The following ZFHX3 variants were observed in gnomAD, a reference collection of about 807,000 sequenced individuals.
ZFHX3 encodes the protein zinc finger homeobox 3.
Under a neutral mutation model 279.1 loss-of-function variants are expected in ZFHX3, and 42 were observed. That is an observed-to-expected ratio of 0.15 (90% CI 0.12 to 0.19). The LOEUF (loss-of-function observed/expected upper bound fraction) is 0.19, where lower values mean the gene tolerates loss of function less well. ZFHX3 is among the 10% of genes least tolerant of loss of function. ZFHX3 has a pLI of 1.00. For synonymous variants in ZFHX3, 2,293 were observed against 1,957.8 expected (o/e 1.17, Z -4.52); for missense variants, 4,981 against 4,754.0 (o/e 1.05, Z -1.40).
intron 1 of ZFHX3, among the ~76,000 whole-genome samples, chr16:73,825,451 G>C (rs1960864346): frequency 8.1e-6 from 1 of 124,012 alleles, no homozygotes; most frequent in Non-Finnish European, 1.6e-5. Flanking sequence ...CATTGCTTTT[G>C]GTGTTTTGGA....
intron 3 of ZFHX3, among the ~76,000 whole-genome samples, chr16:73,423,017 G>C (rs2143496377): frequency 6.6e-6 from 1 of 152,232 alleles, no homozygotes; most frequent in African/African-American, 2.4e-5. Flanking sequence ...TCTTCCCTCT[G>C]AGTCCTAATC....
chr16:72,946,781 C>T (rs1283226314), intron 3 of ZFHX3, among the ~76,000 whole-genome samples: 2 of 152,192 alleles, frequency 1.3e-5, no homozygotes, highest in Non-Finnish European at 2.9e-5. Context: ...TCAAGGGCAC[C>T]CACATCTCTA....
In ZFHX3 at chr16:72,933,809, C is replaced by CTTTT. The variant is rs1408711216; in HGVS notation, c.3216+16659_3216+16660insAAAA. On this transcript the variant is annotated intron_variant, in intron 3 of 9. Transcript: ENST00000268489. ...TTATTATGAAATGTTTAGCTCACAA[C>CTTTT]TTTCTTTTTTTTTTTTTTTTTTTTT... is the stretch of plus-strand genomic sequence containing the variant. Among the ~76,000 whole-genome samples, 87 of 114,646 alleles carry CTTTT rather than the reference C, an allele frequency of 7.6e-4. 1 individual carries two copies. The highest frequency in any genetic ancestry group is 2.5e-3 in the African/African-American group (84 of 33,712). 75.2% of individuals were successfully genotyped at this position (114,646 alleles called of 152,430 possible). A position where few individuals can be genotyped will look rare whatever the true frequency, so the allele number is the denominator to read the frequency against.
At chr16:73,115,377 C>CAA (rs10685277) in intron 7 of ZFHX3, among the ~76,000 whole-genome samples, 6,071 of 80,482 alleles carry the variant, frequency 0.075, 602 homozygotes, top group African/African-American at 0.24. Context: ...CCTATCTCTA[C>CAA]AAAAAAAAAA....
chr16:73,841,848 C>T (rs1432526512), intron 1 of ZFHX3, among the ~76,000 whole-genome samples: 1 of 152,184 alleles, frequency 6.6e-6, no homozygotes, highest in Admixed American at 6.5e-5. Flanking sequence ...TAAAAATACA[C>T]TTTCTTTGCA....
intron 5 of ZFHX3, among the ~76,000 whole-genome samples, chr16:73,199,019 C>T (rs944564021): frequency 6.6e-6 from 1 of 152,212 alleles, no homozygotes; most frequent in African/African-American, 2.4e-5. Context: ...TTGTGAACGT[C>T]CCGTTCAAAA....
At chr16:73,308,518 T>C (rs1050372313) in intron 4 of ZFHX3, among the ~76,000 whole-genome samples, 1 of 151,858 alleles carries the variant, frequency 6.6e-6, no homozygotes, top group African/African-American at 2.4e-5. Context: ...CTCGAACTCC[T>C]GACCAGGTGG....
intron 8 of ZFHX3, among the ~76,000 whole-genome samples, chr16:73,077,072 G>T (rs904581871): frequency 6.6e-6 from 1 of 152,070 alleles, no homozygotes; most frequent in Non-Finnish European, 1.5e-5. Context: ...TCTCAAAAAG[G>T]ATGCGCTAAT....
chr16:72,902,347 A>C (rs910849876), intron 3 of ZFHX3, among the ~76,000 whole-genome samples: 1 of 152,190 alleles, frequency 6.6e-6, no homozygotes, highest in Non-Finnish European at 1.5e-5. Context: ...ACAGGCTCCC[A>C]ATCAATAGCC....
intron 3 of ZFHX3, among the ~76,000 whole-genome samples, chr16:73,320,528 TA>T (rs2015554577): frequency 6.6e-6 from 1 of 152,216 alleles, no homozygotes; most frequent in Non-Finnish European, 1.5e-5. Flanking sequence ...CTGTTTCCTT[TA>T]ACATAGTGAC....
intron 3 of ZFHX3, among the ~76,000 whole-genome samples, chr16:72,939,445 T>C (rs1960300830): frequency 6.6e-6 from 1 of 152,230 alleles, no homozygotes; most frequent in Admixed American, 6.5e-5. Context: ...CTCCCTGCCA[T>C]AAACACAATC....
At chr16:73,036,143 C>T (rs1964894025) in intron 1 of ZFHX3, among the ~76,000 whole-genome samples, 1 of 152,204 alleles carries the variant, frequency 6.6e-6, no homozygotes, top group Admixed American at 6.5e-5. Context: ...CAGACTCTCT[C>T]TCTCTCTGTC....
intron 2 of ZFHX3, among the ~76,000 whole-genome samples, chr16:73,649,369 T>A (rs2052650067): frequency 6.6e-6 from 1 of 152,204 alleles, no homozygotes. Context: ...TTAAGGCATG[T>A]GATACAGTGC....
intron 6 of ZFHX3, among the ~76,000 whole-genome samples, chr16:73,136,345 G>C (rs1780165493): frequency 6.6e-6 from 1 of 152,132 alleles, no homozygotes; most frequent in Non-Finnish European, 1.5e-5. Flanking sequence ...ACCCAAACTT[G>C]ACAGTCCAGT....
chr16:73,155,884 T>C (rs541752850), intron 5 of ZFHX3, among the ~76,000 whole-genome samples: 2 of 152,106 alleles, frequency 1.3e-5, no homozygotes, highest in Admixed American at 6.5e-5. Context: ...CATGTCATTA[T>C]ATATAGTACA....
At chr16:73,199,319 T>A (rs1968220723) in intron 5 of ZFHX3, among the ~76,000 whole-genome samples, 1 of 152,200 alleles carries the variant, frequency 6.6e-6, no homozygotes, top group South Asian at 2.1e-4. Context: ...GAAATTGCCA[T>A]ATTTATTGCT....
At chr16:72,910,938 TG>T (rs2039301655) in intron 3 of ZFHX3, among the ~76,000 whole-genome samples, 1 of 152,190 alleles carries the variant, frequency 6.6e-6, no homozygotes, top group Admixed American at 6.5e-5. Context: ...TGCAGGCATC[TG>T]GGTTTGCAAT....
intron 2 of ZFHX3, among the ~76,000 whole-genome samples, chr16:73,471,799 T>C (rs2018673232): frequency 6.6e-6 from 1 of 152,218 alleles, no homozygotes; most frequent in South Asian, 2.1e-4. Context: ...TTCCTCTTGC[T>C]GGAAAAGGAG....
intron 7 of ZFHX3, among the ~76,000 whole-genome samples, chr16:73,130,561 C>T (rs902105784): frequency 2.0e-5 from 3 of 152,182 alleles, no homozygotes; most frequent in South Asian, 2.1e-4. Context: ...ATGTTCATTA[C>T]TTTTTAAAGT....
Sources: allele counts gnomAD v4.1 joint callset (sites outside exome capture counted in the v4.1 genomes callset), GRCh38; gene constraint gnomAD v4.1.1; transcripts MANE v1.5; gene names NCBI Gene and HGNC (gene_info 2026-07-23, HGNC 2026-07-21).